The following SH3D19 variants were observed in gnomAD, a reference collection of about 807,000 sequenced individuals.
The protein encoded by SH3D19 is SH3 domain-containing protein 19.
Under a neutral mutation model 112.1 loss-of-function variants are expected in SH3D19, and 58 were observed. The ratio of observed to expected loss-of-function variants is 0.52; its 90% CI spans 0.42 to 0.64. SH3D19 has a LOEUF of 0.64. Among genes scored for constraint, SH3D19 ranks in the 30% least tolerant of loss-of-function variants. The pLI, the probability that SH3D19 is intolerant of heterozygous loss-of-function variation, is 0.00. For synonymous variants in SH3D19, 391 were observed against 448.5 expected (o/e 0.87, Z 1.62); for missense variants, 1,090 against 1,263.4 (o/e 0.86, Z 2.08).
chr4:151,194,016 A>ATT (rs201719037), intron 2 of SH3D19, among the ~76,000 whole-genome samples: 1,612 of 111,676 alleles, frequency 0.014, 149 homozygotes, highest in African/African-American at 0.043. Context: ...AGTAGGATTA[A>ATT]TTTTTTTTTT....
chr4:151,302,892 T>C (rs1339172963), intron 1 of SH3D19, among the ~76,000 whole-genome samples: 2 of 151,918 alleles, frequency 1.3e-5, no homozygotes, highest in Middle Eastern at 3.2e-3. Flanking sequence ...GGGGGAGGGA[T>C]AGCATTAGGA....
intron 7 of SH3D19, among the ~76,000 whole-genome samples, chr4:151,170,056 A>G (rs1758786045): frequency 6.6e-6 from 1 of 152,190 alleles, no homozygotes; most frequent in Admixed American, 6.5e-5. Context: ...TGTTTTTTAA[A>G]GCACTCTGCT....
intron 1 of SH3D19, among the ~76,000 whole-genome samples, chr4:151,285,712 T>A (rs922876877): frequency 2.6e-5 from 4 of 151,278 alleles, no homozygotes; most frequent in African/African-American, 9.7e-5. Context: ...ACTAAAAATT[T>A]AAAAAGTTAG....
intron 1 of SH3D19, among the ~76,000 whole-genome samples, chr4:151,292,573 T>A (rs1427667054): frequency 6.6e-6 from 1 of 152,164 alleles, no homozygotes; most frequent in African/African-American, 2.4e-5. Flanking sequence ...TGTTAAACAA[T>A]CACACAACCT....
At chr4:151,236,136 G>A (rs899416187) in intron 1 of SH3D19, among the ~76,000 whole-genome samples, 19 of 152,258 alleles carry the variant, frequency 1.2e-4, no homozygotes, top group African/African-American at 4.6e-4. Context: ...CTCGGCGTCC[G>A]CTCTGGCCGC....
intron 1 of SH3D19, among the ~76,000 whole-genome samples, chr4:151,278,309 C>T (rs938821062): frequency 1.3e-5 from 2 of 151,896 alleles, no homozygotes; most frequent in African/African-American, 2.4e-5. Flanking sequence ...CACTCTGTCA[C>T]CCAGGTTAGA....
At position 151,325,222 on chromosome 4, in the gene SH3D19, C is replaced by T. The variant is rs1730935647; in HGVS notation, c.112+19G>A. 2 of 1,205,130 alleles carry T rather than the reference C, an allele frequency of 1.7e-6. No homozygotes were observed. The highest frequency in any genetic ancestry group is 2.1e-6 in the Non-Finnish European group (2 of 966,980). 74.7% of individuals were successfully genotyped at this position (1,205,130 alleles called of 1,614,324 possible). A position where few individuals can be genotyped will look rare whatever the true frequency, so the allele number is the denominator to read the frequency against. The stretch of plus-strand genomic sequence containing the variant: ...GCGCAGCTCTGGGTCCCCGCCGCCC[C>T]GTCCCCCGCGCCTCTCACCTGCGGC... On this transcript the variant is annotated intron_variant, in intron 1 of 19. Transcript: ENST00000604030.
In SH3D19 at chr4:151,226,396, T is replaced by C. The variant is rs75727662; in HGVS notation, c.113-310A>G. On this transcript the variant is annotated intron_variant, in intron 1 of 19. Transcript: ENST00000604030. ...TTGCTAACACTAGAAGAGATTTAGC[T>C]AAGGAAAGAAAGCAAGGAAACTGCA... 5.2e-5 allele frequency: 54 copies of C among 1,040,660 alleles called. No homozygotes were observed. In the African/African-American group the frequency reaches 8.5e-4, roughly 16 times the overall value. 64.5% of individuals were successfully genotyped at this position (1,040,660 alleles called of 1,614,324 possible). A position where few individuals can be genotyped will look rare whatever the true frequency, so the allele number is the denominator to read the frequency against.
chr4:151,236,317 C>T (rs72723784), intron 1 of SH3D19, among the ~76,000 whole-genome samples: 409 of 152,370 alleles, frequency 2.7e-3, no homozygotes, highest in Non-Finnish European at 4.0e-3. Flanking sequence ...CCGCGGGCCC[C>T]GCACTTGGCA....
At chr4:151,295,797 GGAGGCT>G (rs2150023151) in intron 1 of SH3D19, among the ~76,000 whole-genome samples, 1 of 152,282 alleles carries the variant, frequency 6.6e-6, no homozygotes, top group Admixed American at 6.5e-5. Context: ...CAGCACTTTG[GGAGGCT>G]GAGGCGGGCG....
intron 1 of SH3D19, among the ~76,000 whole-genome samples, chr4:151,292,956 C>G (rs979408067): frequency 1.3e-5 from 2 of 151,610 alleles, no homozygotes; most frequent in Non-Finnish European, 2.9e-5. Context: ...CCTGTCTCTA[C>G]CAAAAATACA....
intron 1 of SH3D19, among the ~76,000 whole-genome samples, chr4:151,290,753 T>C (rs1208676118): frequency 6.6e-6 from 1 of 152,246 alleles, no homozygotes; most frequent in Non-Finnish European, 1.5e-5. Context: ...ACTATCATTT[T>C]AGGTAAGAAT....
Position 151,176,645 on chromosome 4 carries a change from C to G in SH3D19, c.418G>C (p.Val140Leu). 8.1e-7 allele frequency: 1 copy of G among 1,231,990 alleles called. No homozygotes were observed. Among genetic ancestry groups the G allele is most frequent in the Non-Finnish European group, 1.0e-6 (1 of 987,872 alleles). 76.3% of individuals were successfully genotyped at this position (1,231,990 alleles called of 1,614,324 possible). A position where few individuals can be genotyped will look rare whatever the true frequency, so the allele number is the denominator to read the frequency against. ...YEQVIKEINQ[V>L]QVNTTNNNNA... ...TTATTATTTGTAGTATTAACTTGAACTTGGTTGATTTCTTTTATAACTTGT... is the reference window on the plus strand; with the variant it reads ...TTATTATTTGTAGTATTAACTTGAAGTTGGTTGATTTCTTTTATAACTTGT... The change falls in exon 6 of 20, where the codon GTT becomes CTT. Residue 140 changes from valine to leucine, a missense_variant. Coordinates refer to ENST00000604030, the MANE Select transcript of SH3D19 (RefSeq NM_001378122.1).
At chr4:151,312,400 T>G (rs1227753416) in intron 1 of SH3D19, among the ~76,000 whole-genome samples, 2 of 152,178 alleles carry the variant, frequency 1.3e-5, no homozygotes, top group Non-Finnish European at 2.9e-5. Context: ...AAAATCCAGT[T>G]CCTCAGCAAC....
chr4:151,220,959 A>C (rs928798916), intron 2 of SH3D19, among the ~76,000 whole-genome samples: 1 of 152,244 alleles, frequency 6.6e-6, no homozygotes, highest in African/African-American at 2.4e-5. Context: ...AGACAAGAAC[A>C]ACGCAGATAT....
chr4:151,229,972 G>A (rs1769477374), intron 1 of SH3D19, among the ~76,000 whole-genome samples: 1 of 152,156 alleles, frequency 6.6e-6, no homozygotes, highest in South Asian at 2.1e-4. Context: ...TATTGGTTGT[G>A]TGTGTATAAA....
At chr4:151,203,183 AC>A (rs1193095738) in intron 2 of SH3D19, among the ~76,000 whole-genome samples, 1 of 151,932 alleles carries the variant, frequency 6.6e-6, no homozygotes, top group Non-Finnish European at 1.5e-5. Flanking sequence ...CCATGACAGG[AC>A]CCCCAGCAAT....
intron 1 of SH3D19, among the ~76,000 whole-genome samples, chr4:151,248,333 C>T (rs950106414): frequency 1.1e-4 from 16 of 152,082 alleles, no homozygotes; most frequent in African/African-American, 3.9e-4. Flanking sequence ...CTGAAATGAA[C>T]AAAGTGTTTT....
chr4:151,151,919 C>CA (rs1755127111), intron 9 of SH3D19, among the ~76,000 whole-genome samples: 1 of 152,134 alleles, frequency 6.6e-6, no homozygotes, highest in Non-Finnish European at 1.5e-5. Context: ...ATAAATTTGA[C>CA]ATGGAAAGAT....
Sources: allele counts gnomAD v4.1 joint callset (sites outside exome capture counted in the v4.1 genomes callset), GRCh38; gene constraint gnomAD v4.1.1; transcripts MANE v1.5; gene names NCBI Gene and HGNC (gene_info 2026-07-23, HGNC 2026-07-21).